DOCK11: variants seen among roughly 807,000 people sequenced by gnomAD.
DOCK11 encodes dedicator of cytokinesis protein 11.
DOCK11 carries 70 observed loss-of-function variants against 169.1 expected under a neutral mutation model. The observed-to-expected ratio is 0.41, with a 90% CI of 0.34 to 0.51. The LOEUF (loss-of-function observed/expected upper bound fraction) is 0.51. DOCK11 is among the 20% of genes least tolerant of loss of function. The pLI is 0.10. For missense variants in DOCK11, 1,166 were observed against 1,538.8 expected (o/e 0.76, Z 4.05); for synonymous variants, 529 against 541.3 (o/e 0.98, Z 0.32).
rs746844436 is a variant in DOCK11, at chrX:118,655,024, T to C, written c.4969+63T>C. ...ATTTAGCATAATAGTTTTTTATCTT[T>C]GTAGTTTAGCTATGAATATGATATA... On this transcript the variant is annotated intron_variant, in intron 44 of 52. Coordinates refer to ENST00000276202, the MANE Select transcript of DOCK11 (RefSeq NM_144658.4). 83 of 1,040,060 alleles carry C rather than the reference T, an allele frequency of 8.0e-5. No individual in the cohort carries two copies. In the African/African-American group the frequency reaches 1.1e-3, roughly 14 times the overall value. 85.7% of individuals were successfully genotyped at this position (1,040,060 alleles called of 1,213,427 possible). A position where few individuals can be genotyped will look rare whatever the true frequency, so the allele number is the denominator to read the frequency against.
intron 9 of DOCK11, among the ~76,000 whole-genome samples, chrX:118,567,621 C>T (rs1411497343): frequency 9.0e-6 from 1 of 110,523 alleles, no homozygotes; most frequent in Non-Finnish European, 1.9e-5. Context: ...TTAGTAGAGA[C>T]AGGGTTTCAC....
chrX:118,530,099 A>C (rs2011474794), intron 1 of DOCK11, among the ~76,000 whole-genome samples: 1 of 112,888 alleles, frequency 8.9e-6, no homozygotes, highest in Admixed American at 9.3e-5. Flanking sequence ...GGAACAAATT[A>C]AGTACAGATT....
In DOCK11 at chrX:118,620,237, A is replaced by G. The variant is rs190204778; in HGVS notation, c.3471+1509A>G. Reference sequence around the variant, plus strand: ...CTCTAATTTACTTCCACGGTATCATAAATCACTCTAGGAAACATAATATTG... The same window carrying G: ...CTCTAATTTACTTCCACGGTATCATGAATCACTCTAGGAAACATAATATTG... On this transcript the variant is annotated intron_variant, in intron 31 of 52. Coordinates refer to ENST00000276202, the MANE Select transcript of DOCK11 (RefSeq NM_144658.4). Among the ~76,000 whole-genome samples, 591 of 112,208 alleles carry G rather than the reference A, an allele frequency of 5.3e-3. 4 individuals are homozygous for G. Among genetic ancestry groups the G allele is most frequent in the African/African-American group, 0.018 (551 of 30,931 alleles).
intron 1 of DOCK11, among the ~76,000 whole-genome samples, chrX:118,539,419 A>T (rs2011877679): frequency 9.0e-6 from 1 of 111,213 alleles, no homozygotes; most frequent in Admixed American, 9.6e-5. Context: ...AATGGTGGTT[A>T]CCAGGGGCTG....
intron 32 of DOCK11, among the ~76,000 whole-genome samples, chrX:118,624,899 C>T (rs868420626): frequency 1.8e-5 from 2 of 108,425 alleles, no homozygotes; most frequent in South Asian, 8.1e-4. Flanking sequence ...GCTGGGACTA[C>T]AGGCATACGC....
intron 23 of DOCK11, among the ~76,000 whole-genome samples, chrX:118,600,236 G>C (rs949502863): frequency 9.1e-6 from 1 of 110,026 alleles, no homozygotes; most frequent in Non-Finnish European, 1.9e-5. Flanking sequence ...GCGAAACCCC[G>C]TCTCTACTAA....
intron 29 of DOCK11, among the ~76,000 whole-genome samples, chrX:118,615,184 A>G (rs1248445099): frequency 8.9e-6 from 1 of 112,093 alleles, no homozygotes; most frequent in Non-Finnish European, 1.9e-5. Context: ...TAAGTGTGCA[A>G]TATTTCTGTT....
chrX:118,627,140 G>C (rs1267936512), intron 32 of DOCK11, among the ~76,000 whole-genome samples: 6 of 111,447 alleles, frequency 5.4e-5, no homozygotes, highest in African/African-American at 2.0e-4. Flanking sequence ...AAGTGAGAGG[G>C]TCACTTGAGC....
chrX:118,527,140 A>G (rs1186045885), intron 1 of DOCK11, among the ~76,000 whole-genome samples: 1 of 112,231 alleles, frequency 8.9e-6, no homozygotes, highest in Non-Finnish European at 1.9e-5. Flanking sequence ...TACTGTATAT[A>G]CTTTTATCAT....
chrX:118,566,485 A>G (rs2013083442), intron 8 of DOCK11, 89 bp from the exon 9 acceptor site: 1 of 824,771 alleles, frequency 1.2e-6, no homozygotes, highest in African/African-American at 2.1e-5. Context: ...GTAGGAGAGG[A>G]TGGGTGGGAG....
At chrX:118,660,313 A>G (rs1480983293) in intron 44 of DOCK11, among the ~76,000 whole-genome samples, 1 of 112,002 alleles carries the variant, frequency 8.9e-6, no homozygotes, top group Non-Finnish European at 1.9e-5. Context: ...GAAGAAGGAA[A>G]TGAGGAATTG....
At chrX:118,626,233 T>G (rs2015098897) in intron 32 of DOCK11, among the ~76,000 whole-genome samples, 1 of 81,744 alleles carries the variant, frequency 1.2e-5, no homozygotes, top group South Asian at 8.4e-4. Flanking sequence ...GCCCGGCTAA[T>G]TTTTTTTGTA....
At chrX:118,604,462 A>G (rs985333005) in intron 23 of DOCK11, among the ~76,000 whole-genome samples, 2 of 97,713 alleles carry the variant, frequency 2.0e-5, no homozygotes, top group African/African-American at 7.9e-5. Context: ...CCACCTCTCT[A>G]TTTCCCCTAG....
intron 1 of DOCK11, 37 bp downstream of exon 1, chrX:118,496,110 G>T: frequency 1.1e-6 from 1 of 924,472 alleles, no homozygotes; most frequent in Non-Finnish European, 1.4e-6. Flanking sequence ...CGGGGGACGC[G>T]CTCCAGGCGG....
In DOCK11 at chrX:118,682,736, T is replaced by C. The variant is rs1204552879; in HGVS notation, c.5964-343T>C. ...ATAGTAAGCTCAAAATAAATTCTTT[T>C]TGAATGAATGACTCGTTATTTATAG... On this transcript the variant is annotated intron_variant, in intron 51 of 52. Coordinates refer to ENST00000276202, the MANE Select transcript of DOCK11 (RefSeq NM_144658.4). Among the ~76,000 whole-genome samples, 3 of 112,234 alleles carry C rather than the reference T, an allele frequency of 2.7e-5. No homozygotes were observed. In the East Asian group the frequency reaches 8.3e-4, roughly 31 times the overall value.
intron 5 of DOCK11, among the ~76,000 whole-genome samples, chrX:118,545,741 C>T (rs1472674576): frequency 2.7e-5 from 3 of 110,850 alleles, no homozygotes; most frequent in Non-Finnish European, 5.7e-5. Context: ...ACAGATGGCC[C>T]GGATGTCTGT....
intron 1 of DOCK11, among the ~76,000 whole-genome samples, chrX:118,532,470 C>T (rs1281604020): frequency 1.8e-5 from 2 of 110,339 alleles, no homozygotes; most frequent in Non-Finnish European, 3.8e-5. Flanking sequence ...CTCACCTCAC[C>T]AAGAAAACCC....
At chrX:118,638,866 C>G (rs747116117) in intron 37 of DOCK11, among the ~76,000 whole-genome samples, 2 of 111,949 alleles carry the variant, frequency 1.8e-5, no homozygotes, top group South Asian at 3.7e-4. Flanking sequence ...AACTCTCCCA[C>G]TACGTTTACT....
At chrX:118,556,844 C>T (rs1036609941) in intron 6 of DOCK11, among the ~76,000 whole-genome samples, 6 of 110,029 alleles carry the variant, frequency 5.5e-5, no homozygotes, top group African/African-American at 9.9e-5. Flanking sequence ...AGAATCAAAT[C>T]CTTTGGCTTG....
Sources: allele counts gnomAD v4.1 joint callset (sites outside exome capture counted in the v4.1 genomes callset), GRCh38; gene constraint gnomAD v4.1.1; transcripts MANE v1.5; gene names NCBI Gene and HGNC (gene_info 2026-07-23, HGNC 2026-07-21).